The following PDE8A variants were observed in gnomAD, a reference collection of about 807,000 sequenced individuals.
PDE8A encodes the protein high affinity cAMP-specific and IBMX-insensitive 3',5'-cyclic phosphodiesterase 8A.
In PDE8A, 59 loss-of-function variants were observed where a neutral mutation model predicts 105.0. The ratio of observed to expected loss-of-function variants is 0.56; its 90% CI spans 0.46 to 0.70. The LOEUF (loss-of-function observed/expected upper bound fraction) is 0.70, where lower values mean the gene tolerates loss of function less well. PDE8A is among the 30% of genes least tolerant of loss of function. The pLI, the probability that PDE8A is intolerant of heterozygous loss-of-function variation, is 0.00. For synonymous variants in PDE8A, 355 were observed against 371.9 expected (o/e 0.95, Z 0.52); for missense variants, 1,014 against 1,045.9 (o/e 0.97, Z 0.42).
chr15:85,107,471 T>G (rs1371767101), intron 11 of PDE8A, among the ~76,000 whole-genome samples: 1 of 152,152 alleles, frequency 6.6e-6, no homozygotes, highest in Non-Finnish European at 1.5e-5. Flanking sequence ...TTAGAACCAA[T>G]CTGGGAGGCC....
intron 3 of PDE8A, among the ~76,000 whole-genome samples, chr15:85,072,580 T>C (rs1433270536): frequency 6.6e-6 from 1 of 152,208 alleles, no homozygotes; most frequent in African/African-American, 2.4e-5. Context: ...ACATTATGGC[T>C]AGTGTTCAGT....
At chr15:85,091,778 G>T (rs371516349) in intron 8 of PDE8A, among the ~76,000 whole-genome samples, 11 of 152,052 alleles carry the variant, frequency 7.2e-5, no homozygotes, top group African/African-American at 2.7e-4. Context: ...GGCAGGCTCA[G>T]TCTGAAAGGT....
intron 5 of PDE8A, among the ~76,000 whole-genome samples, chr15:85,079,497 A>G (rs915809829): frequency 6.6e-6 from 1 of 152,242 alleles, no homozygotes; most frequent in African/African-American, 2.4e-5. Context: ...CAGGAAACTT[A>G]AGTAAAACTT....
intron 1 of PDE8A, among the ~76,000 whole-genome samples, chr15:85,006,901 T>C (rs1023305630): frequency 6.6e-6 from 1 of 152,116 alleles, no homozygotes; most frequent in Non-Finnish European, 1.5e-5. Flanking sequence ...GACTAGTCCC[T>C]ACGAAGAGGA....
intron 3 of PDE8A, among the ~76,000 whole-genome samples, chr15:85,073,113 C>CA (rs200888078): frequency 2.5e-4 from 37 of 150,866 alleles, no homozygotes; most frequent in African/African-American, 6.5e-4. Flanking sequence ...GACCTTGTCT[C>CA]AAAAAAAAAG....
intron 1 of PDE8A, among the ~76,000 whole-genome samples, chr15:85,048,950 A>G (rs1306117350): frequency 6.6e-6 from 1 of 152,130 alleles, no homozygotes; most frequent in Non-Finnish European, 1.5e-5. Context: ...AAAATAACAA[A>G]AATTAGCCAG....
intron 1 of PDE8A, among the ~76,000 whole-genome samples, chr15:85,006,170 G>A (rs1036579115): frequency 1.3e-5 from 2 of 152,062 alleles, no homozygotes; most frequent in Non-Finnish European, 2.9e-5. Context: ...GCTAAATGAC[G>A]AGTTAATGGG....
chr15:85,032,606 T>A (rs916242725), intron 1 of PDE8A, among the ~76,000 whole-genome samples: 1 of 152,198 alleles, frequency 6.6e-6, no homozygotes, highest in Non-Finnish European at 1.5e-5. Context: ...TGGGATTGTT[T>A]ATTTTAAAGT....
intron 1 of PDE8A, among the ~76,000 whole-genome samples, chr15:85,037,216 C>T (rs926339043): frequency 1.2e-4 from 18 of 152,172 alleles, no homozygotes; most frequent in Admixed American, 2.6e-4. Context: ...CAGGTGCCCA[C>T]GACCACGCCC....
intron 1 of PDE8A, among the ~76,000 whole-genome samples, chr15:84,982,805 G>C (rs2079739570): frequency 6.6e-6 from 1 of 152,234 alleles, no homozygotes; most frequent in Admixed American, 6.5e-5. Flanking sequence ...TTTTCCCTCT[G>C]TCAGCTTTGC....
chr15:85,110,105 GGTAA>G (rs2141592341), intron 12 of PDE8A, among the ~76,000 whole-genome samples: 1 of 152,282 alleles, frequency 6.6e-6, no homozygotes, highest in South Asian at 2.1e-4. Context: ...TATGGTGCCT[GGTAA>G]GTAAGGGTAG....
intron 9 of PDE8A, among the ~76,000 whole-genome samples, chr15:85,099,025 A>G (rs886768076): frequency 1.8e-4 from 27 of 152,216 alleles, no homozygotes; most frequent in Non-Finnish European, 2.9e-4. Context: ...AGTAAAATGT[A>G]AAATGATAGC....
chr15:85,066,585 C>A (rs1216159015), intron 2 of PDE8A, among the ~76,000 whole-genome samples: 2 of 10,466 alleles, frequency 1.9e-4, no homozygotes, highest in African/African-American at 3.8e-4. Flanking sequence ...CCCCCCAAAA[C>A]ACACACACAC....
intron 1 of PDE8A, among the ~76,000 whole-genome samples, chr15:85,026,956 C>T (rs2080527652): frequency 6.6e-6 from 1 of 152,094 alleles, no homozygotes; most frequent in African/African-American, 2.4e-5. Flanking sequence ...TTTTTTAAAA[C>T]ACTGCTTAAC....
At chr15:85,117,979 A>T (rs1482968481) in intron 17 of PDE8A, 140 bp downstream of exon 17, 2 of 716,902 alleles carry the variant, frequency 2.8e-6, no homozygotes, top group Non-Finnish European at 5.0e-6. Flanking sequence ...ACGAGGAATC[A>T]GGCAGGAGGC....
intron 1 of PDE8A, among the ~76,000 whole-genome samples, chr15:85,011,545 G>T (rs1463377479): frequency 6.6e-6 from 1 of 152,168 alleles, no homozygotes. Flanking sequence ...AATTGCAGTT[G>T]CCTAAAAGGG....
intron 16 of PDE8A, among the ~76,000 whole-genome samples, chr15:85,116,539 G>A (rs983347549): frequency 1.3e-5 from 2 of 152,248 alleles, no homozygotes; most frequent in East Asian, 1.9e-4. Context: ...GACACCCAAA[G>A]CCCCAGTCAT....
At chr15:85,040,608 A>T (rs1231189580) in intron 1 of PDE8A, among the ~76,000 whole-genome samples, 3 of 142,820 alleles carry the variant, frequency 2.1e-5, no homozygotes, top group Non-Finnish European at 3.0e-5. Context: ...TCGTCCAGGC[A>T]GGAGTGCAGT....
chr15:84,987,051 T>C (rs890626347), intron 1 of PDE8A, among the ~76,000 whole-genome samples: 4 of 152,174 alleles, frequency 2.6e-5, no homozygotes, highest in Admixed American at 2.0e-4. Context: ...CCTTTGAAAG[T>C]GTAGTTGAGA....
Sources: gnomAD v4.1 joint callset for allele counts (sites outside exome capture counted in the v4.1 genomes callset) on GRCh38, gnomAD v4.1.1 for gene constraint, MANE v1.5 for transcripts, NCBI Gene and HGNC (gene_info 2026-07-23, HGNC 2026-07-21) for gene names.